Variants in PYROXD1 observed in about 807,000 individuals in gnomAD.
PYROXD1 encodes the protein pyridine nucleotide-disulphide oxidoreductase domain 1.
In PYROXD1, 42 loss-of-function variants were observed where a neutral mutation model predicts 62.0. The observed-to-expected ratio is 0.68, with a 90% CI of 0.53 to 0.88. The LOEUF (loss-of-function observed/expected upper bound fraction) is 0.88, where lower values mean the gene tolerates loss of function less well. PYROXD1 is among the 40% of genes least tolerant of loss of function. The pLI is 0.00. For missense variants in PYROXD1, 493 were observed against 604.8 expected (o/e 0.82, Z 1.94); for synonymous variants, 170 against 206.4 (o/e 0.82, Z 1.51).
At chr12:21,460,646 C>G (rs1942680026) in intron 7 of PYROXD1, among the ~76,000 whole-genome samples, 1 of 152,154 alleles carries the variant, frequency 6.6e-6, no homozygotes, top group Non-Finnish European at 1.5e-5. Context: ...TAGTCTTGAA[C>G]TCCTGACCTC....
At chr12:21,459,976 A>C (rs1334429271) in intron 7 of PYROXD1, among the ~76,000 whole-genome samples, 1 of 152,210 alleles carries the variant, frequency 6.6e-6, no homozygotes, top group Admixed American at 6.5e-5. Context: ...ATACACACTT[A>C]ATACCCTAAT....
At chr12:21,462,651 G>T (rs1390381684) in intron 9 of PYROXD1, 89 bp from the exon 10 acceptor site, 5 of 1,437,568 alleles carry the variant, frequency 3.5e-6, no homozygotes, top group East Asian at 2.3e-5. Context: ...CATGCAAAGT[G>T]TAACAATTTA....
In PYROXD1 at chr12:21,468,442, A is replaced by AT. The variant is rs1198338492; in HGVS notation, c.1255-63dup. 7 of 1,456,906 alleles carry AT rather than the reference A, an allele frequency of 4.8e-6. No individual in the cohort carries two copies. In the South Asian group the frequency reaches 7.6e-5, roughly 16 times the overall value. The allele number at this position is 1,456,906 out of a possible 1,614,324, so 90.2% of individuals were successfully genotyped here. On this transcript the variant is annotated intron_variant, in intron 11 of 11. Coordinates refer to ENST00000240651, the MANE Select transcript of PYROXD1 (RefSeq NM_024854.5). ...TGCGGCTATTCAAACTTGACACAAAATAACTACCCATTACATTTTCTTTAT... is the reference window on the plus strand; with the variant it reads ...TGCGGCTATTCAAACTTGACACAAAATTAACTACCCATTACATTTTCTTTAT...
At chr12:21,445,699 A>T (rs1179288493) in intron 3 of PYROXD1, among the ~76,000 whole-genome samples, 1 of 152,204 alleles carries the variant, frequency 6.6e-6, no homozygotes, top group African/African-American at 2.4e-5. Context: ...ATTAATGTTT[A>T]TAAAGTGTCC....
chr12:21,457,746 C>T (rs1030263924), intron 7 of PYROXD1, among the ~76,000 whole-genome samples: 2 of 152,010 alleles, frequency 1.3e-5, no homozygotes, highest in African/African-American at 2.4e-5. Flanking sequence ...AACCAGATCT[C>T]ATGAGAACTC....
chr12:21,444,763 G>T (rs1353533082), intron 2 of PYROXD1, among the ~76,000 whole-genome samples: 2 of 152,156 alleles, frequency 1.3e-5, no homozygotes, highest in Non-Finnish European at 2.9e-5. Flanking sequence ...AATCTGTAAG[G>T]CTGTGTGGTC....
At chr12:21,443,833 A>G (rs1484412234) in intron 2 of PYROXD1, among the ~76,000 whole-genome samples, 2 of 152,118 alleles carry the variant, frequency 1.3e-5, no homozygotes, top group Non-Finnish European at 2.9e-5. Context: ...TCCCTTTATA[A>G]CCTAAATAGA....
At chr12:21,450,651 G>C (rs1198526244) in intron 4 of PYROXD1, among the ~76,000 whole-genome samples, 1 of 152,116 alleles carries the variant, frequency 6.6e-6, no homozygotes, top group Non-Finnish European at 1.5e-5. Flanking sequence ...CTCATGACAT[G>C]ATGATTTTGC....
chr12:21,442,950 G>T (rs1942323654), intron 2 of PYROXD1, among the ~76,000 whole-genome samples: 1 of 152,068 alleles, frequency 6.6e-6, no homozygotes. Context: ...CTGTGTTGCT[G>T]CAGATTGTTT....
intron 4 of PYROXD1, among the ~76,000 whole-genome samples, chr12:21,450,286 C>G (rs1032870222): frequency 3.3e-5 from 5 of 152,122 alleles, no homozygotes; most frequent in East Asian, 1.9e-4. Flanking sequence ...ACTTATATTA[C>G]ACACACATTC....
Position 21,470,245 on chromosome 12 carries a change from T to C in PYROXD1, c.*1491T>C, listed in dbSNP as rs17849408. On this transcript the variant is annotated 3_prime_UTR_variant, in exon 12 of 12. Transcript: ENST00000240651. ...TAGCTCCTGTATTCTTAGAACCAGA[T>C]TGCTGAAGCATGTTTGCAGCCTTCT... The C allele has an allele frequency of 0.097, 155,841 of 1,610,128 alleles. 8,730 individuals are homozygous for C. Among genetic ancestry groups the C allele is most frequent in the East Asian group, 0.29 (13,079 of 44,684 alleles).
chr12:21,445,531 C>T lies in PYROXD1; in HGVS notation c.285+65C>T. On this transcript the variant is annotated intron_variant, in intron 3 of 11. Coordinates refer to ENST00000240651, the MANE Select transcript of PYROXD1 (RefSeq NM_024854.5). ...AATCTTGATGAAGTTTTGCCTGCCT[C>T]TTTTCACTCCAGCTCTACTACCACC... is the stretch of plus-strand genomic sequence containing the variant. The T allele has an allele frequency of 2.1e-6, 3 of 1,462,872 alleles. No individual in the cohort carries two copies. The South Asian group carries it at 4.6e-5, about 23-fold the overall frequency. The allele number at this position is 1,462,872 out of a possible 1,614,324, so 90.6% of individuals were successfully genotyped here.
At chr12:21,460,033 AT>A (rs1483788313) in intron 7 of PYROXD1, among the ~76,000 whole-genome samples, 1 of 152,104 alleles carries the variant, frequency 6.6e-6, no homozygotes, top group Non-Finnish European at 1.5e-5. Flanking sequence ...AGATATTTTG[AT>A]TTTTTAATAG....
Position 21,467,567 on chromosome 12 carries a change from G to A in PYROXD1, c.1203G>A (p.Met401Ile), listed in dbSNP as rs761159010. The A allele has an allele frequency of 6.2e-7, 1 of 1,612,072 alleles. No homozygotes were observed. Among genetic ancestry groups the A allele is most frequent in the Non-Finnish European group, 8.5e-7 (1 of 1,178,968 alleles). ...CGAGTTCAGGAGACTCTATTGACATGGATTTCAGCTTTGAACTGTTTGCTC... is the reference window on the plus strand; with the variant it reads ...CGAGTTCAGGAGACTCTATTGACATAGATTTCAGCTTTGAACTGTTTGCTC... Reference protein sequence around the residue: ...AAASSGDSIDMDFSFELFAHV... With the variant: ...AAASSGDSIDIDFSFELFAHV... Residue 401 changes from methionine to isoleucine, a missense_variant, in exon 11 of 12, where the codon ATG becomes ATA. By Grantham distance (10) the Met-to-Ile change is conservative. Transcript: ENST00000240651.
chr12:21,439,185 C>T (rs891441878), intron 1 of PYROXD1, among the ~76,000 whole-genome samples: 2 of 152,238 alleles, frequency 1.3e-5, no homozygotes, highest in Admixed American at 1.3e-4. Flanking sequence ...GAGAACTTAA[C>T]AAGAATTTAC....
rs1427843502 is a variant in PYROXD1, at chr12:21,462,033, G to A, written c.906G>A (p.Leu302=). The stretch of plus-strand genomic sequence containing the variant: ...AGATGTGGCCTGTCTATGTGGAATT[G>A]ACCAATGAAAAGATATATGGCTGCG... ...DTEMWPVYVE[L]TNEKIYGCDF... Residue 302 remains leucine (L), a synonymous_variant, in exon 9 of 12, where the codon TTG becomes TTA. Coordinates refer to ENST00000240651, the MANE Select transcript of PYROXD1 (RefSeq NM_024854.5). The A allele has an allele frequency of 4.4e-6, 7 of 1,609,106 alleles. No individual in the cohort carries two copies. The highest frequency in any genetic ancestry group is 2.2e-5 in the South Asian group (2 of 90,844).
At position 21,471,165 on chromosome 12, in the gene PYROXD1, GAAAT is replaced by G. The variant is rs1942948784; in HGVS notation, c.*2414_*2417del. ...AATCACGGAAAACAAATTTATAAAAGAAATAACTATATGCGCAGTAATTCTTAAC... is the reference window on the plus strand; with the variant it reads ...AATCACGGAAAACAAATTTATAAAAGAACTATATGCGCAGTAATTCTTAAC... On this transcript the variant is annotated 3_prime_UTR_variant, in exon 12 of 12. Transcript: ENST00000240651. 14 of 1,429,538 alleles carry G rather than the reference GAAAT, an allele frequency of 9.8e-6. No homozygotes were observed. Among genetic ancestry groups the G allele is most frequent in the East Asian group, 7.5e-5 (3 of 40,148 alleles). 88.6% of individuals were successfully genotyped at this position (1,429,538 alleles called of 1,614,324 possible).
intron 4 of PYROXD1, among the ~76,000 whole-genome samples, chr12:21,450,521 G>A (rs1168282299): frequency 3.3e-5 from 5 of 152,104 alleles, no homozygotes; most frequent in Non-Finnish European, 7.4e-5. Flanking sequence ...ATCTGTTTTT[G>A]GAGCATTATA....
intron 7 of PYROXD1, among the ~76,000 whole-genome samples, chr12:21,457,811 A>ATCCAGTCACCTCCCACCAGGCCTTACC (rs1942626397): frequency 6.7e-6 from 1 of 149,202 alleles, no homozygotes; most frequent in African/African-American, 2.5e-5. Context: ...TGTCCCCATG[A>ATCCAGTCACCTCCCACCAGGCCTTACC]TCCAGTCACC....
Sources: gnomAD v4.1 joint callset for allele counts (sites outside exome capture counted in the v4.1 genomes callset) on GRCh38, gnomAD v4.1.1 for gene constraint, MANE v1.5 for transcripts, NCBI Gene and HGNC (gene_info 2026-07-23, HGNC 2026-07-21) for gene names.